The following USP36 variants were observed in gnomAD, a reference collection of about 807,000 sequenced individuals.
The protein encoded by USP36 is ubiquitin carboxyl-terminal hydrolase 36.
A neutral mutation model predicts 111.5 loss-of-function variants in USP36; 59 were observed. The ratio of observed to expected loss-of-function variants is 0.53; its 90% confidence interval spans 0.43 to 0.66. USP36 has a LOEUF of 0.66. Among genes scored for constraint, USP36 ranks in the 30% least tolerant of loss-of-function variants. USP36 has a pLI of 0.00. For synonymous variants in USP36, 628 were observed against 581.0 expected, an observed-to-expected ratio of 1.08 and a Z score of -1.16; for missense variants, 1,488 against 1,468.0, an observed-to-expected ratio of 1.01 and a Z score of -0.22.
At chr17:78,801,847 T>G (rs2093751914) in intron 17 of USP36, among the ~76,000 whole-genome samples, 1 of 152,240 alleles carries the variant, frequency 6.6e-6, no homozygotes, top group African/African-American at 2.4e-5. Flanking sequence ...ATTCACAGAA[T>G]GTTTTAAAGT....
chr17:78,836,056 C>T (rs1407082892), intron 3 of USP36, 55 bp downstream of exon 3: 3 of 1,590,756 alleles, frequency 1.9e-6, no homozygotes, highest in African/African-American at 2.7e-5. Context: ...TTAAGTCCAT[C>T]CACTTCGTCA....
chr17:78,822,595 G>A lies in USP36; in HGVS notation c.690-591C>T, dbSNP rs115656714. Among the ~76,000 whole-genome samples, 282 of 152,240 alleles carry A rather than the reference G, an allele frequency of 1.9e-3. 2 individuals carry two copies. The highest frequency in any genetic ancestry group is 6.4e-3 in the African/African-American group (264 of 41,548). On this transcript the variant is annotated intron_variant, in intron 6 of 20. Coordinates refer to ENST00000449938, the MANE Select transcript of USP36 (RefSeq NM_001385174.1). ...AGCCCTGCCCTCATTCATGTCCCCC[G>A]CACCGCTCACTAACTGGGATCTGAG...
downstream of USP36, among the ~76,000 whole-genome samples, chr17:78,792,353 T>TGGGGTGCCAGCATACACAGAGGGGGCACC (rs2093590447): frequency 6.6e-6 from 1 of 151,000 alleles, no homozygotes; most frequent in African/African-American, 2.4e-5. Context: ...AGGGCACAGG[T>TGGGGTGCCAGCATACACAGAGGGGGCACC]GGGGTGCCAG....
chr17:78,803,363 G>A lies in USP36; in HGVS notation c.2810+22C>T, dbSNP rs1474121896. 4 of 1,599,754 alleles carry A rather than the reference G, an allele frequency of 2.5e-6. No individual in the cohort carries two copies. The African/African-American group carries it at 4.0e-5, about 16-fold the overall frequency. On this transcript the variant is annotated intron_variant, in intron 16 of 20. Coordinates refer to ENST00000449938, the MANE Select transcript of USP36 (RefSeq NM_001385174.1). This position sits in a 1 kb window ranked among gnomAD's most constrained non-coding sequence, Gnocchi z 4.6. Reference sequence around the variant, plus strand: ...TGTTTCTCGTCAGAGGTAGACAGATGCCACTTTGCTCCTGCCCTTACCTGT... The same window carrying A: ...TGTTTCTCGTCAGAGGTAGACAGATACCACTTTGCTCCTGCCCTTACCTGT...
intron 5 of USP36, among the ~76,000 whole-genome samples, chr17:78,827,604 C>A (rs1462230592): frequency 2.0e-5 from 3 of 152,096 alleles, no homozygotes; most frequent in Non-Finnish European, 4.4e-5. Context: ...ACCAAGCCCT[C>A]AAAAATGTAA....
intron 10 of USP36, among the ~76,000 whole-genome samples, 190 bp from the exon 11 acceptor site, chr17:78,814,742 A>T (rs1373114624): frequency 6.6e-6 from 1 of 151,696 alleles, no homozygotes; most frequent in African/African-American, 2.4e-5. Flanking sequence ...CACCTCGAGG[A>T]GTTCGAGATC....
chr17:78,808,674 A>G (rs1361161094), intron 13 of USP36, among the ~76,000 whole-genome samples: 2 of 152,196 alleles, frequency 1.3e-5, no homozygotes, highest in Non-Finnish European at 2.9e-5. Flanking sequence ...TGTACAGTAT[A>G]TGTGTGTGTA....
At chr17:78,799,623 C>T in intron 18 of USP36, 44 bp downstream of exon 18, 1 of 1,592,108 alleles carries the variant, frequency 6.3e-7, no homozygotes, top group African/African-American at 1.3e-5. Flanking sequence ...CCTACAAAAC[C>T]AACCAATGAA....
At chr17:78,789,825 C>T (rs542548803) in intron 3 of USP36, among the ~76,000 whole-genome samples, 5 of 152,288 alleles carry the variant, frequency 3.3e-5, no homozygotes, top group South Asian at 2.1e-4. Context: ...TTTTCACTTA[C>T]GCAGAAAAAC....
intron 4 of USP36, among the ~76,000 whole-genome samples, chr17:78,832,073 T>C (rs1490709207): frequency 2.0e-5 from 3 of 152,178 alleles, no homozygotes; most frequent in Non-Finnish European, 4.4e-5. Context: ...CAAATATTTA[T>C]TCATGTAATT....
chr17:78,838,809 G>A (rs1262226812), intron 1 of USP36, 59 bp from the exon 2 acceptor site: 1 of 152,246 alleles, frequency 6.6e-6, no homozygotes, highest in African/African-American at 2.4e-5. Context: ...CTTCTCTTCA[G>A]CTACTTCCCA....
At chr17:78,812,128 C>T (rs1296276887) in intron 13 of USP36, among the ~76,000 whole-genome samples, 1 of 151,736 alleles carries the variant, frequency 6.6e-6, no homozygotes, top group Non-Finnish European at 1.5e-5. Flanking sequence ...TCAAGCCTGC[C>T]CTGAACCATG....
chr17:78,806,661 G>A (rs150970909), intron 14 of USP36, among the ~76,000 whole-genome samples: 24 of 152,216 alleles, frequency 1.6e-4, no homozygotes, highest in Admixed American at 7.2e-4. Flanking sequence ...ACCCTCCCTC[G>A]GGTTCAGTCA....
At chr17:78,813,689 AAC>A (rs1491212040) in intron 12 of USP36, 82 bp downstream of exon 12, 4 of 1,263,232 alleles carry the variant, frequency 3.2e-6, no homozygotes, top group Non-Finnish European at 4.5e-6. Context: ...ATTACCTTCA[AAC>A]AAAAAAAGGT....
chr17:78,826,371 T>C (rs1412245425), intron 6 of USP36: 3 of 152,092 alleles, frequency 2.0e-5, no homozygotes. Flanking sequence ...CTACTAATAA[T>C]ACAAAAATTA....
chr17:78,822,770 C>A (rs2094360826), intron 6 of USP36, among the ~76,000 whole-genome samples: 1 of 152,214 alleles, frequency 6.6e-6, no homozygotes, highest in South Asian at 2.1e-4. Flanking sequence ...ACTTGCAACC[C>A]ACTGCATCTG....
intron 6 of USP36, among the ~76,000 whole-genome samples, chr17:78,823,847 C>T (rs1567956794): frequency 6.6e-6 from 1 of 152,170 alleles, no homozygotes; most frequent in Admixed American, 6.5e-5. Context: ...GTGCACTGCA[C>T]GGGGCAGACA....
At chr17:78,801,106 A>T (rs1386116480) in intron 17 of USP36, among the ~76,000 whole-genome samples, 1 of 150,948 alleles carries the variant, frequency 6.6e-6, no homozygotes, top group Non-Finnish European at 1.5e-5. Flanking sequence ...CCTCCCGAGT[A>T]GCTGGGACTA....
At chr17:78,817,838 T>G (rs1011166439) in intron 10 of USP36, among the ~76,000 whole-genome samples, 1 of 152,062 alleles carries the variant, frequency 6.6e-6, no homozygotes, top group African/African-American at 2.4e-5. Flanking sequence ...CCCAGCACTG[T>G]GAGAGGTCAA....
Sources: gnomAD v4.1 joint callset for allele counts (sites outside exome capture counted in the v4.1 genomes callset) on GRCh38, gnomAD v4.1.1 for gene constraint, Gnocchi (gnomAD v3.1) non-coding constraint, MANE v1.5 for transcripts, NCBI Gene and HGNC (gene_info 2026-07-23, HGNC 2026-07-21) for gene names.